TBX19: variants seen among roughly 807,000 people sequenced by gnomAD.
TBX19 encodes T-box transcription factor 19.
Under a neutral mutation model 40.9 loss-of-function variants are expected in TBX19, and 33 were observed. That is an observed-to-expected ratio of 0.81 (90% confidence interval 0.61 to 1.08). The LOEUF is 1.08. Ranked by LOEUF, TBX19 falls within the 50% of genes least tolerant of loss-of-function variation. TBX19 has a pLI of 0.00. For missense variants in TBX19, 494 were observed against 574.0 expected, an observed-to-expected ratio of 0.86 and a Z score of 1.42; for synonymous variants, 220 against 225.0, an observed-to-expected ratio of 0.98 and a Z score of 0.20.
chr1:168,285,261 TCACACACACACA>T lies in TBX19; in HGVS notation c.203+3996_203+4007del, dbSNP rs36217752. On this transcript the variant is annotated intron_variant, in intron 1 of 7. Coordinates refer to ENST00000367821, the MANE Select transcript of TBX19 (RefSeq NM_005149.3). ...TGTCAGCATCCATGCACCATGTATG[TCACACACACACA>T]CACACACACACACACACACACACAC... Among the ~76,000 whole-genome samples, 1,076 of 148,164 alleles carry T rather than the reference TCACACACACACA, an allele frequency of 7.3e-3. 14 individuals are homozygous for T. The highest frequency in any genetic ancestry group is 0.025 in the African/African-American group (996 of 40,182).
Position 168,291,246 on chromosome 1 carries a change from A to G in TBX19, c.290A>G (p.Asp97Gly), listed in dbSNP as rs748529264. ...CTCCTGCTGGACTTTGTCCCTACGG[A>G]CAGTCACCGCTGGAAGTACGTCAAC... Reference protein sequence around the residue: ...YSLLLDFVPTDSHRWKYVNGE... With the variant: ...YSLLLDFVPTGSHRWKYVNGE... The change falls in exon 2 of 8, where the codon GAC becomes GGC. Residue 97 changes from aspartate to glycine, a missense_variant. Transcript: ENST00000367821. The G allele has an allele frequency of 5.6e-6, 9 of 1,614,064 alleles. No individual in the cohort carries two copies. In the Admixed American group the frequency reaches 1.0e-4, roughly 18 times the overall value.
intron 3 of TBX19, 85 bp from the exon 4 acceptor site, chr1:168,297,639 A>G: frequency 8.0e-7 from 1 of 1,243,426 alleles, no homozygotes; most frequent in South Asian, 1.2e-5. Context: ...AGAGGGAATT[A>G]AACTGGTTTT....
chr1:168,289,174 T>G (rs1302557762), intron 1 of TBX19, among the ~76,000 whole-genome samples: 2 of 152,240 alleles, frequency 1.3e-5, no homozygotes, highest in African/African-American at 4.8e-5. Context: ...AATAACCCTA[T>G]ATGATCCCTA....
chr1:168,312,557 A>G, intron 7 of TBX19, 151 bp from the exon 8 acceptor site: 1 of 846,000 alleles, frequency 1.2e-6, no homozygotes, highest in Non-Finnish European at 1.9e-6. Context: ...CAGAAACAGG[A>G]CCAATCTGCG....
chr1:168,312,913 A>T lies in TBX19; in HGVS notation c.1258A>T (p.Thr420Ser). Residue 420 changes from threonine (T) to serine (S), a missense_variant, in exon 8 of 8, where the codon ACC becomes TCC. Thr to Ser is a moderately conservative substitution (Grantham distance 58). Transcript: ENST00000367821. ...EPSLTSIAVS[T>S]WTAVASHPFA... The stretch of plus-strand genomic sequence containing the variant: ...CTCGCTAACCAGCATTGCTGTGTCC[A>T]CCTGGACAGCAGTGGCCTCGCATCC... 2 of 1,614,196 alleles carry T rather than the reference A, an allele frequency of 1.2e-6. No homozygotes were observed. Among genetic ancestry groups the T allele is most frequent in the Non-Finnish European group, 1.7e-6 (2 of 1,180,042 alleles).
At chr1:168,312,170 G>A (rs779500483) in intron 7 of TBX19, among the ~76,000 whole-genome samples, 3 of 152,188 alleles carry the variant, frequency 2.0e-5, no homozygotes, top group Admixed American at 6.5e-5. Context: ...AATCCTTGTA[G>A]CAATCTCTGT....
At position 168,291,413 on chromosome 1, in the gene TBX19, GGAGGCGGGCAGGTACGAAT is replaced by G. The variant is rs1558190439; in HGVS notation, c.468+2_468+20del. 1.2e-6 allele frequency: 2 copies of G among 1,614,186 alleles called. No homozygotes were observed. Among genetic ancestry groups the G allele is most frequent in the Admixed American group, 1.7e-5 (1 of 60,028 alleles). On this transcript the variant is annotated splice_donor_variant and splice_donor_5th_base_variant and coding_sequence_variant and intron_variant, in exon 2 of 8. Coordinates refer to ENST00000367821, the MANE Select transcript of TBX19 (RefSeq NM_005149.3). LOFTEE classifies it high-confidence loss of function. ...AGTGAAGCTGACCAACAAGCTCAAT[GGAGGCGGGCAGGTACGAAT>G]GAGGCGGGCAGGCCTGGCCACCCGC...
chr1:168,311,131 G>T (rs748695876), intron 7 of TBX19, among the ~76,000 whole-genome samples: 1 of 151,928 alleles, frequency 6.6e-6, no homozygotes, highest in Non-Finnish European at 1.5e-5. Context: ...GATTTGGGCT[G>T]TGGTAGGAAG....
intron 7 of TBX19, among the ~76,000 whole-genome samples, chr1:168,311,920 TG>T (rs1022414925): frequency 6.6e-5 from 10 of 151,882 alleles, no homozygotes; most frequent in African/African-American, 2.4e-4. Flanking sequence ...GGGGTGAGAG[TG>T]GGATCCAGGC....
In TBX19 at chr1:168,293,196, T is replaced by C. The variant is rs1234523439; in HGVS notation, c.521T>C (p.Val174Ala). ...GAACCCCAGGTTCACATAGTGCGTG[T>C]TGGAAGTGCCCATCGAATGGTAACA... ...KYEPQVHIVRVGSAHRMVTNC... is the reference protein window; with the variant it reads ...KYEPQVHIVRAGSAHRMVTNC... Residue 174 changes from valine (V) to alanine (A), a missense_variant, in exon 3 of 8, where the codon GTT becomes GCT. Transcript: ENST00000367821. 6.2e-7 allele frequency: 1 copy of C among 1,613,992 alleles called. No homozygotes were observed. Among genetic ancestry groups the C allele is most frequent in the Non-Finnish European group, 8.5e-7 (1 of 1,179,952 alleles).
At chr1:168,302,178 A>G (rs1472930063) in intron 5 of TBX19, among the ~76,000 whole-genome samples, 4 of 152,188 alleles carry the variant, frequency 2.6e-5, no homozygotes, top group African/African-American at 9.6e-5. Flanking sequence ...CTGAGGGGCC[A>G]CTTGCCTGGT....
chr1:168,293,716 T>C (rs915624206), intron 3 of TBX19, among the ~76,000 whole-genome samples: 6 of 152,250 alleles, frequency 3.9e-5, no homozygotes, highest in African/African-American at 1.4e-4. Flanking sequence ...TATTATGCTA[T>C]CATTACTGCT....
intron 1 of TBX19, among the ~76,000 whole-genome samples, chr1:168,284,768 C>CAAAAAAAA (rs146281397): frequency 1.3e-5 from 1 of 75,022 alleles, no homozygotes; most frequent in African/African-American, 5.2e-5. Context: ...GACCGTGTCT[C>CAAAAAAAA]AAAAAAAAAA....
intron 7 of TBX19, among the ~76,000 whole-genome samples, chr1:168,310,905 C>T (rs1030517123): frequency 1.4e-5 from 2 of 146,262 alleles, no homozygotes; most frequent in African/African-American, 5.0e-5. Context: ...TAAATATATA[C>T]ATATAAATAT....
chr1:168,281,427 G>C (rs979525823), intron 1 of TBX19, 134 bp downstream of exon 1: 1 of 809,852 alleles, frequency 1.2e-6, no homozygotes, highest in Admixed American at 2.1e-5. Flanking sequence ...AGGAACGACT[G>C]TCTCCAATGG....
At chr1:168,289,738 C>A (rs1223549565) in intron 1 of TBX19, among the ~76,000 whole-genome samples, 1 of 152,198 alleles carries the variant, frequency 6.6e-6, no homozygotes, top group Non-Finnish European at 1.5e-5. Context: ...GGCCGTATTA[C>A]CATTACACCC....
At chr1:168,300,021 T>C (rs1649234141) in intron 4 of TBX19, among the ~76,000 whole-genome samples, 1 of 152,178 alleles carries the variant, frequency 6.6e-6, no homozygotes, top group African/African-American at 2.4e-5. Flanking sequence ...TTTTCTAATC[T>C]ACAAAATTAG....
intron 7 of TBX19, among the ~76,000 whole-genome samples, chr1:168,312,076 C>T (rs1182147557): frequency 3.9e-5 from 6 of 152,192 alleles, no homozygotes; most frequent in African/African-American, 1.2e-4. Flanking sequence ...AGCTCACAGG[C>T]GGAGACCAGG....
intron 7 of TBX19, among the ~76,000 whole-genome samples, chr1:168,310,165 G>C (rs1649487764): frequency 6.6e-6 from 1 of 152,080 alleles, no homozygotes; most frequent in South Asian, 2.1e-4. Context: ...AGCCAGGCGT[G>C]GTGGTGCATG....
Sources: allele counts gnomAD v4.1 joint callset (sites outside exome capture counted in the v4.1 genomes callset), GRCh38; gene constraint gnomAD v4.1.1; transcripts MANE v1.5; gene names NCBI Gene and HGNC (gene_info 2026-07-23, HGNC 2026-07-21).